The following PTCHD4 variants were observed in gnomAD, a reference collection of about 807,000 sequenced individuals.
PTCHD4 encodes patched domain-containing protein 4.
A neutral mutation model predicts 58.1 loss-of-function variants in PTCHD4; 33 were observed. The ratio of observed to expected loss-of-function variants is 0.57; its 90% CI spans 0.43 to 0.76. The LOEUF (loss-of-function observed/expected upper bound fraction) is 0.76, where lower values mean the gene tolerates loss of function less well. Ranked by LOEUF, PTCHD4 falls within the 30% of genes least tolerant of loss-of-function variation. The pLI, the probability that PTCHD4 is intolerant of heterozygous loss-of-function variation, is 0.00. For missense variants in PTCHD4, 1,058 were observed against 1,027.1 expected (o/e 1.03, Z -0.41); for synonymous variants, 478 against 409.6 (o/e 1.17, Z -2.02).
chr6:48,047,927 T>C (rs962260850), intron 3 of PTCHD4, among the ~76,000 whole-genome samples: 5 of 148,156 alleles, frequency 3.4e-5, no homozygotes, highest in Admixed American at 6.9e-5. Context: ...ATGACTAAGA[T>C]AAGAGCATAC....
At chr6:47,994,974 G>A (rs997790245) in intron 4 of PTCHD4, among the ~76,000 whole-genome samples, 3 of 152,198 alleles carry the variant, frequency 2.0e-5, no homozygotes, top group African/African-American at 4.8e-5. Context: ...GAAGTTTACA[G>A]GAGGGAACAG....
chr6:47,932,540 T>C (rs1377128644), intron 4 of PTCHD4, among the ~76,000 whole-genome samples: 1 of 152,246 alleles, frequency 6.6e-6, no homozygotes, highest in African/African-American at 2.4e-5. Context: ...AAAAGGTACA[T>C]GGTGTGATTC....
At position 48,087,273 on chromosome 6, in the gene PTCHD4, A is replaced by G. The variant is rs1297652403; in HGVS notation, c.-969-17347T>C. 2.6e-5 allele frequency among the ~76,000 whole-genome samples: 4 copies of G among 152,138 alleles called. No individual in the cohort carries two copies. The East Asian group carries it at 7.7e-4, about 29-fold the overall frequency. On this transcript the variant is annotated intron_variant, in intron 1 of 4. Coordinates refer to ENST00000339488, the MANE Select transcript of PTCHD4 (RefSeq NM_001384253.1). ...CTGTCCAGTTTCTTCTGATCTATCC[A>G]GTATCTTCAGTCTATCCAGTATTTT...
chr6:48,003,296 C>G (rs1380905493), intron 4 of PTCHD4, among the ~76,000 whole-genome samples: 2 of 152,166 alleles, frequency 1.3e-5, no homozygotes, highest in African/African-American at 2.4e-5. Context: ...ATTACTGACT[C>G]CACATTTGCC....
intron 4 of PTCHD4, among the ~76,000 whole-genome samples, chr6:47,973,223 G>A (rs752713885): frequency 1.3e-5 from 2 of 152,146 alleles, no homozygotes; most frequent in Non-Finnish European, 2.9e-5. Context: ...AGATACATGT[G>A]TATGTGTTTC....
At chr6:47,881,939 T>C (rs1326870191) in intron 4 of PTCHD4, among the ~76,000 whole-genome samples, 1 of 152,130 alleles carries the variant, frequency 6.6e-6, no homozygotes, top group Non-Finnish European at 1.5e-5. Context: ...GCACGTTTTT[T>C]TCATTTGGAG....
rs1354499656 is a variant in PTCHD4, at chr6:48,069,209, A to G, written c.-252T>C. 1.4e-5 allele frequency among the ~76,000 whole-genome samples: 2 copies of G among 143,606 alleles called. No individual in the cohort carries two copies. Among genetic ancestry groups the G allele is most frequent in the Non-Finnish European group, 3.0e-5 (2 of 66,172 alleles). 94.2% of individuals were successfully genotyped at this position (143,606 alleles called of 152,430 possible). ...GCACGTTGGGGGTGGGGGGGCAGATAAGCTTTTTTCTTTTTTTAAGATGCT... is the reference window on the plus strand; with the variant it reads ...GCACGTTGGGGGTGGGGGGGCAGATGAGCTTTTTTCTTTTTTTAAGATGCT... On this transcript the variant is annotated 5_prime_UTR_variant, in exon 2 of 5. Coordinates refer to ENST00000339488, the MANE Select transcript of PTCHD4 (RefSeq NM_001384253.1).
chr6:48,068,556 G>A lies in PTCHD4; in HGVS notation c.91C>T (p.Leu31=). The A allele has an allele frequency of 6.3e-7, 1 of 1,599,652 alleles. No homozygotes were observed. Among genetic ancestry groups the A allele is most frequent in the Non-Finnish European group, 8.5e-7 (1 of 1,175,716 alleles). Residue 31 remains leucine, a synonymous_variant, in exon 3 of 5, where the codon CTG becomes TTG. Coordinates refer to ENST00000339488, the MANE Select transcript of PTCHD4 (RefSeq NM_001384253.1). The surrounding 1 kb of genome is among the most constrained non-coding windows in gnomAD (Gnocchi z 4.2). ...GGGTGCCGGCTCACGCACAAACCCA[G>A]CCTGTGGCAGAACGACTGGAGCCCT... ...RRGLQSFCHR[L]GLCVSRHPVF... is the part of the protein sequence containing the mutation.
rs1025868782 is a variant in PTCHD4 at position 47,901,975 on chromosome 6, T to C, written c.899-22039A>G. 8 of 1,223,434 alleles carry C rather than the reference T, an allele frequency of 6.5e-6. No homozygotes were observed. In the Admixed American group the frequency reaches 1.6e-4, roughly 25 times the overall value. 75.8% of individuals were successfully genotyped at this position (1,223,434 alleles called of 1,614,324 possible). A position where few individuals can be genotyped will look rare whatever the true frequency, so the allele number is the denominator to read the frequency against. ...GAGCAAGTCAGTAACAAGAGTTATG[T>C]TATATTTCTAGCCTCACTCATATTT... On this transcript the variant is annotated intron_variant, in intron 4 of 4. Coordinates refer to ENST00000339488, the MANE Select transcript of PTCHD4 (RefSeq NM_001384253.1).
intron 4 of PTCHD4, among the ~76,000 whole-genome samples, chr6:47,886,100 G>A (rs964891422): frequency 6.7e-6 from 1 of 148,224 alleles, no homozygotes; most frequent in Non-Finnish European, 1.5e-5. Context: ...TTATAGGCGC[G>A]AGCCACGGCG....
chr6:47,992,167 T>C (rs138072919), intron 4 of PTCHD4, among the ~76,000 whole-genome samples: 291 of 152,220 alleles, frequency 1.9e-3, no homozygotes, highest in Middle Eastern at 6.8e-3. Flanking sequence ...GAAGCTATAG[T>C]AATATTAGAA....
At chr6:47,904,529 G>T (rs1279564793) in intron 4 of PTCHD4, among the ~76,000 whole-genome samples, 1 of 152,144 alleles carries the variant, frequency 6.6e-6, no homozygotes, top group Non-Finnish European at 1.5e-5. Context: ...GAAAAAGTTT[G>T]CCCACCTCTG....
intron 4 of PTCHD4, among the ~76,000 whole-genome samples, chr6:47,912,245 G>C (rs1481743655): frequency 1.3e-5 from 2 of 152,056 alleles, no homozygotes; most frequent in Non-Finnish European, 2.9e-5. Context: ...ACACCTTCTT[G>C]ATCTAGAAAA....
At chr6:48,107,479 C>T (rs1234848923) in intron 1 of PTCHD4, among the ~76,000 whole-genome samples, 2 of 152,120 alleles carry the variant, frequency 1.3e-5, no homozygotes, top group Non-Finnish European at 2.9e-5. Flanking sequence ...AAATGTTAGA[C>T]CTAAAACCAT....
intron 3 of PTCHD4, among the ~76,000 whole-genome samples, chr6:48,028,157 G>C (rs887085292): frequency 2.0e-5 from 3 of 151,982 alleles, no homozygotes; most frequent in African/African-American, 7.3e-5. Context: ...TGGCCAGCCT[G>C]GTCTCGAACA....
Position 48,074,443 on chromosome 6 carries a change from C to G in PTCHD4, c.-969-4517G>C, listed in dbSNP as rs537945320. On this transcript the variant is annotated intron_variant, in intron 1 of 4. Transcript: ENST00000339488. ...GACAGACAAGATCCCAAGGAAGAAGCTGCCTCAGCAATTGTGTCTTGTAAG... is the reference window on the plus strand; with the variant it reads ...GACAGACAAGATCCCAAGGAAGAAGGTGCCTCAGCAATTGTGTCTTGTAAG... 5.3e-5 allele frequency among the ~76,000 whole-genome samples: 8 copies of G among 152,226 alleles called. No homozygotes were observed. In the South Asian group the frequency reaches 6.2e-4, roughly 12 times the overall value.
intron 4 of PTCHD4, among the ~76,000 whole-genome samples, chr6:47,930,708 C>A (rs865897965): frequency 4.9e-4 from 75 of 152,274 alleles, no homozygotes; most frequent in African/African-American, 1.8e-3. Flanking sequence ...ACATAGGCAA[C>A]GTCCAGGAAA....
rs1435579126 is a variant in PTCHD4, at chr6:47,859,693, A to G, written c.*18610T>C. On this transcript the variant is annotated 3_prime_UTR_variant, in exon 5 of 5. Coordinates refer to ENST00000339488, the MANE Select transcript of PTCHD4 (RefSeq NM_001384253.1). Reference sequence around the variant, plus strand: ...AATTTACTGGGGACAGACAGACAATAAACAAATCCCATGACAAATATGAAA... The same window carrying G: ...AATTTACTGGGGACAGACAGACAATGAACAAATCCCATGACAAATATGAAA... Among the ~76,000 whole-genome samples the G allele has an allele frequency of 6.6e-6, 1 of 152,048 alleles. No homozygotes were observed. Among genetic ancestry groups the G allele is most frequent in the Non-Finnish European group, 1.5e-5 (1 of 67,980 alleles).
chr6:47,943,044 A>C (rs1766292843), intron 4 of PTCHD4, among the ~76,000 whole-genome samples: 1 of 152,150 alleles, frequency 6.6e-6, no homozygotes, highest in Non-Finnish European at 1.5e-5. Flanking sequence ...TAATTAGTCT[A>C]TTTCATTCCA....
Sources: gnomAD v4.1 joint callset for allele counts (sites outside exome capture counted in the v4.1 genomes callset) on GRCh38, gnomAD v4.1.1 for gene constraint, Gnocchi (gnomAD v3.1) non-coding constraint, MANE v1.5 for transcripts, NCBI Gene and HGNC (gene_info 2026-07-23, HGNC 2026-07-21) for gene names.